Variants in SLC41A2 observed in about 807,000 individuals in gnomAD.
SLC41A2 encodes SLC41A1-like 1.
SLC41A2 carries 32 observed loss-of-function variants against 58.3 expected under a neutral mutation model. The observed-to-expected ratio is 0.55, with a 90% CI of 0.41 to 0.74. The LOEUF (loss-of-function observed/expected upper bound fraction) is 0.74. Among genes scored for constraint, SLC41A2 ranks in the 30% least tolerant of loss-of-function variants. SLC41A2 has a pLI of 0.00. For synonymous variants in SLC41A2, 190 were observed against 235.0 expected (o/e 0.81, Z 1.75); for missense variants, 514 against 680.6 (o/e 0.76, Z 2.72).
chr12:104,933,795 T>G (rs966411767), intron 1 of SLC41A2, among the ~76,000 whole-genome samples: 1 of 152,130 alleles, frequency 6.6e-6, no homozygotes, highest in Non-Finnish European at 1.5e-5. Context: ...TAGAGGCCAT[T>G]ATTCTAAGTG....
At chr12:104,867,399 T>C (rs2043520800) in intron 6 of SLC41A2, among the ~76,000 whole-genome samples, 1 of 152,110 alleles carries the variant, frequency 6.6e-6, no homozygotes, top group Non-Finnish European at 1.5e-5. Context: ...AAGTACTTTT[T>C]AACTTAAAGG....
intron 3 of SLC41A2, among the ~76,000 whole-genome samples, chr12:104,904,818 T>C (rs1413577628): frequency 6.6e-6 from 1 of 152,006 alleles, no homozygotes; most frequent in African/African-American, 2.4e-5. Context: ...AAGCTGCAGA[T>C]CTTCGCGGTG....
At chr12:104,866,603 AAG>A (rs1466500503) in intron 6 of SLC41A2, 24 bp from the exon 7 acceptor site, 10 of 1,334,026 alleles carry the variant, frequency 7.5e-6, no homozygotes, top group African/African-American at 6.7e-5. Flanking sequence ...AAAAAAAAAA[AAG>A]AGAGACAACA....
At chr12:104,845,585 T>C (rs2042572700) in intron 9 of SLC41A2, among the ~76,000 whole-genome samples, 1 of 152,132 alleles carries the variant, frequency 6.6e-6, no homozygotes, top group African/African-American at 2.4e-5. Flanking sequence ...TTTTTTTGTC[T>C]TTCACAAAAT....
intron 6 of SLC41A2, among the ~76,000 whole-genome samples, chr12:104,884,067 C>A (rs1032590674): frequency 2.0e-5 from 3 of 152,256 alleles, no homozygotes; most frequent in Non-Finnish European, 4.4e-5. Flanking sequence ...CCTCCCCCAG[C>A]CTCGCTGCCA....
intron 3 of SLC41A2, among the ~76,000 whole-genome samples, chr12:104,899,257 A>G (rs890541155): frequency 6.6e-6 from 1 of 152,146 alleles, no homozygotes; most frequent in Non-Finnish European, 1.5e-5. Context: ...ACTTTATTCA[A>G]TCTAATATCT....
intron 8 of SLC41A2, among the ~76,000 whole-genome samples, chr12:104,849,649 G>A (rs1442523397): frequency 2.0e-5 from 3 of 152,094 alleles, no homozygotes. Flanking sequence ...GCAATATAGT[G>A]AGACTTTGTC....
At chr12:104,873,210 C>CTT (rs2043872586) in intron 6 of SLC41A2, among the ~76,000 whole-genome samples, 1 of 152,082 alleles carries the variant, frequency 6.6e-6, no homozygotes, top group Non-Finnish European at 1.5e-5. Context: ...CCCGTAACTA[C>CTT]CATTCTACTC....
intron 6 of SLC41A2, among the ~76,000 whole-genome samples, chr12:104,886,071 A>T (rs1399635584): frequency 6.6e-6 from 1 of 150,750 alleles, no homozygotes; most frequent in African/African-American, 2.4e-5. Flanking sequence ...CTAAAATTAG[A>T]GATGATAATC....
At chr12:104,913,011 C>G (rs765017434) in intron 2 of SLC41A2, among the ~76,000 whole-genome samples, 5 of 152,274 alleles carry the variant, frequency 3.3e-5, no homozygotes, top group Admixed American at 3.3e-4. Context: ...TTGGAATGCA[C>G]GCCTATAGGT....
At chr12:104,845,784 A>G in intron 9 of SLC41A2, 59 bp downstream of exon 9, 1 of 1,503,478 alleles carries the variant, frequency 6.7e-7, no homozygotes, top group Non-Finnish European at 9.0e-7. Context: ...TTGCCTGCCT[A>G]TAATCTTAGA....
At chr12:104,887,771 T>C (rs974035174) in intron 5 of SLC41A2, among the ~76,000 whole-genome samples, 1 of 151,980 alleles carries the variant, frequency 6.6e-6, no homozygotes, top group Non-Finnish European at 1.5e-5. Context: ...GTTTTAGTTC[T>C]GATTCAGCTG....
At chr12:104,891,964 G>T (rs1483383774) in intron 4 of SLC41A2, among the ~76,000 whole-genome samples, 1 of 152,034 alleles carries the variant, frequency 6.6e-6, no homozygotes, top group Non-Finnish European at 1.5e-5. Context: ...AAATAAGATA[G>T]ACCTAGAAAT....
intron 10 of SLC41A2, among the ~76,000 whole-genome samples, chr12:104,809,454 C>G (rs2041074884): frequency 6.6e-6 from 1 of 152,184 alleles, no homozygotes; most frequent in Non-Finnish European, 1.5e-5. Flanking sequence ...ATTTTACATG[C>G]CTTTGGACAT....
chr12:104,805,300 T>C lies in SLC41A2; in HGVS notation c.1574A>G (p.His525Arg). ...GTCCTTTCCTTTCCTCCAGAAGTGA[T>C]GGACCATCCAGTCAGCAATCCACAG... Reference protein sequence around the residue: ...TLLWIADWMVHHFWRKGKDPD... With the variant: ...TLLWIADWMVRHFWRKGKDPD... Residue 525 changes from histidine (H) to arginine (R), a missense_variant, in exon 11 of 11, where the codon CAT (histidine) becomes CGT (arginine). Transcript: ENST00000258538. The C allele has an allele frequency of 2.0e-5, 32 of 1,613,776 alleles. No individual in the cohort carries two copies. The highest frequency in any genetic ancestry group is 2.6e-5 in the Non-Finnish European group (31 of 1,179,810).
intron 10 of SLC41A2, among the ~76,000 whole-genome samples, chr12:104,844,065 G>T (rs2042516884): frequency 1.3e-5 from 2 of 152,038 alleles, no homozygotes; most frequent in African/African-American, 4.8e-5. Flanking sequence ...AGGACTTATC[G>T]CACTGAAGAA....
At chr12:104,899,728 T>C (rs1206323388) in intron 3 of SLC41A2, among the ~76,000 whole-genome samples, 1 of 152,170 alleles carries the variant, frequency 6.6e-6, no homozygotes, top group Non-Finnish European at 1.5e-5. Flanking sequence ...CTCCCAACTC[T>C]GTCATCTGAT....
chr12:104,946,103 A>C (rs1301731562), intron 1 of SLC41A2, among the ~76,000 whole-genome samples: 1 of 152,216 alleles, frequency 6.6e-6, no homozygotes, highest in Non-Finnish European at 1.5e-5. Flanking sequence ...CTAGTGCTCA[A>C]ACATGCTTCG....
chr12:104,820,162 G>A (rs1275765910), intron 10 of SLC41A2, among the ~76,000 whole-genome samples: 1 of 152,192 alleles, frequency 6.6e-6, no homozygotes, highest in Non-Finnish European at 1.5e-5. Context: ...AGACTGGTAT[G>A]AGCATCAGTA....
Sources: allele counts gnomAD v4.1 joint callset (sites outside exome capture counted in the v4.1 genomes callset), GRCh38; gene constraint gnomAD v4.1.1; transcripts MANE v1.5; gene names NCBI Gene and HGNC (gene_info 2026-07-23, HGNC 2026-07-21).